GPC6: variants seen among roughly 807,000 people sequenced by gnomAD.
GPC6 encodes the protein glypican 6.
A neutral mutation model predicts 55.2 loss-of-function variants in GPC6; 14 were observed. The ratio of observed to expected loss-of-function variants is 0.25; its 90% CI spans 0.17 to 0.40. The LOEUF (loss-of-function observed/expected upper bound fraction) is 0.40, where lower values mean the gene tolerates loss of function less well. Among genes scored for constraint, GPC6 ranks in the 10% least tolerant of loss-of-function variants. The pLI is 1.00. For synonymous variants in GPC6, 278 were observed against 259.6 expected, an observed-to-expected ratio of 1.07 and a Z score of -0.68; for missense variants, 641 against 708.5, an observed-to-expected ratio of 0.90 and a Z score of 1.08.
chr13:93,865,640 A>G (rs747519912), intron 3 of GPC6, among the ~76,000 whole-genome samples: 2 of 151,720 alleles, frequency 1.3e-5, no homozygotes, highest in East Asian at 2.0e-4. Flanking sequence ...ACTGTCTTTC[A>G]TATATTTACC....
chr13:93,827,786 G>T (rs886267873), intron 2 of GPC6, among the ~76,000 whole-genome samples: 3 of 151,870 alleles, frequency 2.0e-5, no homozygotes, highest in African/African-American at 7.3e-5. Context: ...TTAAACTTGG[G>T]AAAAACAAAC....
intron 3 of GPC6, among the ~76,000 whole-genome samples, 176 bp from the exon 4 acceptor site, chr13:94,027,553 A>G (rs778988804): frequency 6.6e-6 from 1 of 152,106 alleles, no homozygotes; most frequent in Non-Finnish European, 1.5e-5. Context: ...AGGGACATGC[A>G]AAAAAGTTAT....
intron 3 of GPC6, among the ~76,000 whole-genome samples, chr13:94,014,811 T>G (rs1439589177): frequency 6.6e-6 from 1 of 152,234 alleles, no homozygotes; most frequent in Non-Finnish European, 1.5e-5. Context: ...ATGAGTAGCT[T>G]TTGTCATTTA....
At chr13:93,665,343 A>G (rs2139618843) in intron 2 of GPC6, among the ~76,000 whole-genome samples, 1 of 152,278 alleles carries the variant, frequency 6.6e-6, no homozygotes, top group African/African-American at 2.4e-5. Flanking sequence ...AATTTGCAGC[A>G]CTCTATGTAA....
intron 4 of GPC6, among the ~76,000 whole-genome samples, chr13:94,043,038 G>T (rs1030323660): frequency 6.6e-6 from 1 of 151,664 alleles, no homozygotes; most frequent in African/African-American, 2.4e-5. Context: ...TTTGTACATT[G>T]GGAGCTCCTT....
At chr13:93,667,037 G>A (rs1438867084) in intron 2 of GPC6, among the ~76,000 whole-genome samples, 1 of 151,934 alleles carries the variant, frequency 6.6e-6, no homozygotes, top group Non-Finnish European at 1.5e-5. Flanking sequence ...AAAAGAAATA[G>A]TTTACATGTG....
intron 4 of GPC6, among the ~76,000 whole-genome samples, chr13:94,267,041 C>G (rs1031132608): frequency 3.3e-5 from 5 of 152,112 alleles, no homozygotes; most frequent in Non-Finnish European, 7.3e-5. Flanking sequence ...ATTTTTTACA[C>G]TATGATGATG....
intron 4 of GPC6, among the ~76,000 whole-genome samples, chr13:94,107,605 A>G (rs1886101743): frequency 6.9e-6 from 1 of 145,920 alleles, no homozygotes; most frequent in African/African-American, 2.5e-5. Flanking sequence ...CACCTGCAAG[A>G]TGGGACTCAT....
chr13:93,697,643 G>A (rs746592232), intron 2 of GPC6, among the ~76,000 whole-genome samples: 2 of 152,022 alleles, frequency 1.3e-5, no homozygotes, highest in African/African-American at 2.4e-5. Flanking sequence ...TCAATTAACC[G>A]TCCATTACTT....
At chr13:94,124,767 CA>C (rs1178136728) in intron 4 of GPC6, among the ~76,000 whole-genome samples, 2 of 152,026 alleles carry the variant, frequency 1.3e-5, no homozygotes. Context: ...AAAGCAAGGA[CA>C]CAAGTCAGAA....
chr13:93,836,548 A>G (rs1375681607), intron 3 of GPC6, among the ~76,000 whole-genome samples: 1 of 152,186 alleles, frequency 6.6e-6, no homozygotes, highest in Non-Finnish European at 1.5e-5. Flanking sequence ...TCTGTAACTG[A>G]TAATTTTTCT....
At chr13:93,688,348 A>T (rs1227577739) in intron 2 of GPC6, among the ~76,000 whole-genome samples, 1 of 152,082 alleles carries the variant, frequency 6.6e-6, no homozygotes, top group African/African-American at 2.4e-5. Flanking sequence ...AACTATTGTA[A>T]AAGTCAGGGA....
At chr13:93,868,469 T>C (rs935265341) in intron 3 of GPC6, among the ~76,000 whole-genome samples, 1 of 151,774 alleles carries the variant, frequency 6.6e-6, no homozygotes, top group African/African-American at 2.4e-5. Context: ...ACAGCATTGC[T>C]TAACTTAAGT....
chr13:93,584,482 T>A (rs571793579), intron 2 of GPC6, among the ~76,000 whole-genome samples: 64 of 152,246 alleles, frequency 4.2e-4, no homozygotes, highest in African/African-American at 1.4e-3. Flanking sequence ...GATAATGGAA[T>A]GTGTGTCTGT....
chr13:93,307,983 TGGCCGGGCATGGTGGCTCA>T (rs1164956075), intron 1 of GPC6, among the ~76,000 whole-genome samples: 4 of 152,240 alleles, frequency 2.6e-5, no homozygotes, highest in South Asian at 4.1e-4. Flanking sequence ...TGAAAAATGG[TGGCCGGGCATGGTGGCTCA>T]GGCCGGGCAC....
chr13:93,616,074 T>A (rs1240141750), intron 2 of GPC6, among the ~76,000 whole-genome samples: 2 of 152,124 alleles, frequency 1.3e-5, no homozygotes, highest in Admixed American at 1.3e-4. Flanking sequence ...TTTAATTGCT[T>A]TTCTTTACCT....
intron 3 of GPC6, among the ~76,000 whole-genome samples, chr13:94,027,075 T>C (rs1368215100): frequency 6.6e-6 from 1 of 152,216 alleles, no homozygotes; most frequent in Non-Finnish European, 1.5e-5. Flanking sequence ...TGAGGAGCCC[T>C]GATTTTCTGA....
intron 3 of GPC6, among the ~76,000 whole-genome samples, chr13:93,850,048 G>T (rs143828305): frequency 4.6e-5 from 7 of 152,092 alleles, no homozygotes; most frequent in Non-Finnish European, 7.4e-5. Context: ...GTAAAAAAAG[G>T]CTGTTGTCAT....
intron 4 of GPC6, among the ~76,000 whole-genome samples, chr13:94,238,778 T>C (rs889321530): frequency 6.6e-6 from 1 of 151,896 alleles, no homozygotes; most frequent in Non-Finnish European, 1.5e-5. Context: ...TAAGGAGAGA[T>C]GGGTTGAGAA....
Sources: allele counts gnomAD v4.1 joint callset (sites outside exome capture counted in the v4.1 genomes callset), GRCh38; gene constraint gnomAD v4.1.1; transcripts MANE v1.5; gene names NCBI Gene and HGNC (gene_info 2026-07-23, HGNC 2026-07-21).